The following ADAMTSL3 variants were observed in gnomAD, a reference collection of about 807,000 sequenced individuals.
ADAMTSL3 encodes ADAMTS-like protein 3.
In ADAMTSL3, 128 loss-of-function variants were observed where a neutral mutation model predicts 201.7. The observed-to-expected ratio is 0.63, with a 90% CI of 0.55 to 0.73. ADAMTSL3 has a LOEUF of 0.73. Among genes scored for constraint, ADAMTSL3 ranks in the 30% least tolerant of loss-of-function variants. The pLI is 0.00. For missense variants in ADAMTSL3, 1,990 were observed against 2,119.6 expected, an observed-to-expected ratio of 0.94 and a Z score of 1.20; for synonymous variants, 738 against 748.4, an observed-to-expected ratio of 0.99 and a Z score of 0.23.
chr15:83,813,876 A>C (rs1356928544), intron 5 of ADAMTSL3, among the ~76,000 whole-genome samples: 2 of 152,226 alleles, frequency 1.3e-5, no homozygotes, highest in Non-Finnish European at 2.9e-5. Context: ...AAGAGAAGTC[A>C]TGCATGTCAG....
intron 4 of ADAMTSL3, among the ~76,000 whole-genome samples, chr15:83,792,473 T>C (rs977920072): frequency 1.3e-5 from 2 of 152,148 alleles, no homozygotes; most frequent in Admixed American, 1.3e-4. Context: ...TGAAAAACAG[T>C]ATAAGCGTTC....
chr15:83,773,925 T>A (rs1054714040), intron 4 of ADAMTSL3, among the ~76,000 whole-genome samples: 2 of 152,140 alleles, frequency 1.3e-5, no homozygotes, highest in Non-Finnish European at 2.9e-5. Context: ...TGGTTTAAAG[T>A]TGTCAAGAGT....
At chr15:83,956,266 G>A (rs761909601) in intron 19 of ADAMTSL3, among the ~76,000 whole-genome samples, 4 of 152,124 alleles carry the variant, frequency 2.6e-5, no homozygotes, top group South Asian at 4.1e-4. Flanking sequence ...TTCTCTCTCC[G>A]TGCCATGCAG....
At chr15:83,818,022 C>T (rs370688314) in intron 5 of ADAMTSL3, among the ~76,000 whole-genome samples, 25 of 152,036 alleles carry the variant, frequency 1.6e-4, no homozygotes, top group African/African-American at 5.1e-4. Context: ...AAAAAGAAAA[C>T]GCAAACGAAA....
intron 19 of ADAMTSL3, among the ~76,000 whole-genome samples, chr15:83,951,311 A>G (rs1339812340): frequency 6.6e-6 from 1 of 152,090 alleles, no homozygotes; most frequent in Admixed American, 6.5e-5. Context: ...GATATGATGT[A>G]TTACATTGAT....
At chr15:83,949,057 G>T (rs1017256819) in intron 19 of ADAMTSL3, among the ~76,000 whole-genome samples, 5 of 152,046 alleles carry the variant, frequency 3.3e-5, no homozygotes, top group Admixed American at 1.3e-4. Flanking sequence ...CAATTGAATT[G>T]TTTTTGGATA....
chr15:83,759,865 A>G (rs887174060), intron 3 of ADAMTSL3, among the ~76,000 whole-genome samples: 10 of 152,156 alleles, frequency 6.6e-5, no homozygotes, highest in Non-Finnish European at 4.4e-5. Context: ...ATTAACATAA[A>G]GATGTTTTTC....
chr15:83,785,514 A>G (rs566646974), intron 4 of ADAMTSL3, among the ~76,000 whole-genome samples: 78 of 152,206 alleles, frequency 5.1e-4, no homozygotes, highest in African/African-American at 1.8e-3. Context: ...TATTTTTTAG[A>G]TAACCTGTCT....
chr15:83,883,631 C>G (rs2065325320), intron 9 of ADAMTSL3, among the ~76,000 whole-genome samples: 1 of 151,442 alleles, frequency 6.6e-6, no homozygotes, highest in South Asian at 2.1e-4. Flanking sequence ...TCATGGCTCA[C>G]TGTAGCCTCA....
chr15:83,868,568 T>G (rs2141821209), intron 8 of ADAMTSL3, among the ~76,000 whole-genome samples: 1 of 152,310 alleles, frequency 6.6e-6, no homozygotes, highest in East Asian at 1.9e-4. Flanking sequence ...TTCACCAGTC[T>G]TTCTTCACCC....
chr15:83,702,882 A>G (rs1483195159), intron 2 of ADAMTSL3, among the ~76,000 whole-genome samples: 1 of 152,166 alleles, frequency 6.6e-6, no homozygotes, highest in Non-Finnish European at 1.5e-5. Context: ...TCCAGACCCC[A>G]GAATGGTAGA....
chr15:84,019,066 CACACACACAT>C (rs1449512629), intron 25 of ADAMTSL3, among the ~76,000 whole-genome samples: 1 of 87,844 alleles, frequency 1.1e-5, no homozygotes, highest in African/African-American at 4.8e-5. Context: ...TATCCCCCAC[CACACACACAT>C]ACACACACAC....
intron 3 of ADAMTSL3, among the ~76,000 whole-genome samples, chr15:83,750,170 A>T (rs2062616121): frequency 6.6e-6 from 1 of 152,258 alleles, no homozygotes; most frequent in Non-Finnish European, 1.5e-5. Flanking sequence ...GTCACGTATC[A>T]GCTATTACAA....
chr15:83,755,317 G>A (rs978483219), intron 3 of ADAMTSL3, among the ~76,000 whole-genome samples: 2 of 152,072 alleles, frequency 1.3e-5, no homozygotes, highest in Non-Finnish European at 2.9e-5. Flanking sequence ...GTGGCATCAT[G>A]TACATTCACA....
intron 5 of ADAMTSL3, among the ~76,000 whole-genome samples, chr15:83,807,342 G>C (rs1201051230): frequency 6.6e-6 from 1 of 152,128 alleles, no homozygotes; most frequent in Non-Finnish European, 1.5e-5. Flanking sequence ...CGTAATCCCA[G>C]CTACTTGGGA....
At chr15:83,885,827 C>T (rs138384166) in intron 10 of ADAMTSL3, among the ~76,000 whole-genome samples, 1,968 of 152,022 alleles carry the variant, frequency 0.013, 31 homozygotes, top group African/African-American at 0.039. Context: ...CAGGTTTAAG[C>T]GATTCTCATG....
Position 83,883,142 on chromosome 15 carries a change from CTATTT to C in ADAMTSL3, c.961-1917_961-1913del, listed in dbSNP as rs201289538. ...TGAAATATCTTTTATAATACTATTTCTATTTTATTTTATTTTATTTTATTTTATTT... is the reference window on the plus strand; with the variant it reads ...TGAAATATCTTTTATAATACTATTTCTATTTTATTTTATTTTATTTTATTT... On this transcript the variant is annotated intron_variant, in intron 9 of 29. Coordinates refer to ENST00000286744, the MANE Select transcript of ADAMTSL3 (RefSeq NM_207517.3). 4.1e-3 allele frequency among the ~76,000 whole-genome samples: 153 copies of C among 37,340 alleles called. 1 individual carries two copies. The highest frequency in any genetic ancestry group is 8.8e-3 in the Admixed American group (20 of 2,270). 24.5% of individuals were successfully genotyped at this position (37,340 alleles called of 152,430 possible).
chr15:83,764,607 C>T (rs2062861918), intron 3 of ADAMTSL3, among the ~76,000 whole-genome samples: 1 of 152,030 alleles, frequency 6.6e-6, no homozygotes, highest in Non-Finnish European at 1.5e-5. Context: ...TCTCAGGCAG[C>T]CCTGTATACA....
rs546665863 is a variant in ADAMTSL3 at position 83,995,293 on chromosome 15, C to T, written c.3973+4079C>T. 1.4e-4 allele frequency among the ~76,000 whole-genome samples: 22 copies of T among 152,282 alleles called. 1 individual carries two copies. The South Asian group carries it at 4.4e-3, about 30-fold the overall frequency. On this transcript the variant is annotated intron_variant, in intron 23 of 29. Transcript: ENST00000286744. ...GATTTAAGGAGATAAAATTTAGGATCATCTTAATAGATGTAGACAAAGCAT... is the reference window on the plus strand; with the variant it reads ...GATTTAAGGAGATAAAATTTAGGATTATCTTAATAGATGTAGACAAAGCAT...
Sources: gnomAD v4.1 joint callset for allele counts (sites outside exome capture counted in the v4.1 genomes callset) on GRCh38, gnomAD v4.1.1 for gene constraint, MANE v1.5 for transcripts, NCBI Gene and HGNC (gene_info 2026-07-23, HGNC 2026-07-21) for gene names.